The following PSMF1 variants were observed in gnomAD, a reference collection of about 807,000 sequenced individuals.
The protein encoded by PSMF1 is proteasome inhibitor subunit 1, also known as proteasome inhibitor PI31 subunit.
A neutral mutation model predicts 29.3 loss-of-function variants in PSMF1; 30 were observed. That is an observed-to-expected ratio of 1.02 (90% CI 0.77 to 1.39). PSMF1 has a LOEUF of 1.39. Ranked by LOEUF, PSMF1 falls within the 40% of genes most tolerant of loss-of-function variation. The probability of loss-of-function intolerance (pLI) is 0.00; values close to 1 mark genes in which losing one functional copy is unlikely to be tolerated. For missense variants in PSMF1, 344 were observed against 357.5 expected (o/e 0.96, Z 0.31); for synonymous variants, 134 against 139.7 (o/e 0.96, Z 0.29).
At chr20:1,160,439 A>C (rs1201178646) in intron 4 of PSMF1, 1 of 169,918 alleles carries the variant, frequency 5.9e-6, no homozygotes, top group African/African-American at 2.4e-5. Context: ...ATTTTAATTT[A>C]AATTCTTTAT....
intron 4 of PSMF1, among the ~76,000 whole-genome samples, chr20:1,160,155 G>A (rs1057080494): frequency 1.3e-5 from 2 of 151,840 alleles, no homozygotes; most frequent in African/African-American, 4.8e-5. Context: ...TTACGCTCTC[G>A]GTACGCTTCT....
chr20:1,118,036 A>AG (rs1050989347), upstream of PSMF1: 1 of 152,174 alleles, frequency 6.6e-6, no homozygotes, highest in East Asian at 1.9e-4. Context: ...AGTTGTTGAG[A>AG]GGGTGATGTA....
At chr20:1,158,473 G>A (rs2086622217) in intron 4 of PSMF1, among the ~76,000 whole-genome samples, 2 of 152,170 alleles carry the variant, frequency 1.3e-5, no homozygotes, top group African/African-American at 2.4e-5. Flanking sequence ...TGTCCAGAGC[G>A]CATCTCTGAC....
chr20:1,149,069 T>C (rs1160526960), intron 4 of PSMF1, among the ~76,000 whole-genome samples: 3 of 152,258 alleles, frequency 2.0e-5, no homozygotes, highest in Non-Finnish European at 4.4e-5. Context: ...ATCTCTTTAA[T>C]GTCTGGCTTA....
intron 1 of PSMF1, among the ~76,000 whole-genome samples, chr20:1,120,811 C>A (rs1431761074): frequency 6.6e-6 from 1 of 152,160 alleles, no homozygotes; most frequent in Non-Finnish European, 1.5e-5. Flanking sequence ...GTACCTCACT[C>A]CCCTTACCTA....
At chr20:1,114,396 C>T (rs1341795669), upstream of PSMF1, among the ~76,000 whole-genome samples, 4 of 152,238 alleles carry the variant, frequency 2.6e-5, no homozygotes, top group African/African-American at 9.6e-5. Context: ...CCTGTCTCAC[C>T]ACGGGCTTCT....
chr20:1,124,106 TG>T (rs1213669028), intron 1 of PSMF1, among the ~76,000 whole-genome samples: 1 of 152,254 alleles, frequency 6.6e-6, no homozygotes, highest in Non-Finnish European at 1.5e-5. Context: ...TCCTAGCCTG[TG>T]GCTCCTTATT....
intron 4 of PSMF1, among the ~76,000 whole-genome samples, chr20:1,142,594 G>A (rs371368551): frequency 6.6e-6 from 1 of 152,184 alleles, no homozygotes; most frequent in African/African-American, 2.4e-5. Context: ...TACAAAGGAC[G>A]TGAACTCATC....
At position 1,123,363 on chromosome 20, in the gene PSMF1, C is replaced by T. The variant is rs1032557529; in HGVS notation, c.130-2135C>T. Among the ~76,000 whole-genome samples the T allele has an allele frequency of 4.6e-5, 7 of 152,156 alleles. No individual in the cohort carries two copies. The South Asian group carries it at 1.0e-3, about 22-fold the overall frequency. The stretch of plus-strand genomic sequence containing the variant: ...TCTTCATCTCCGGTCCCACTCCCTC[C>T]CGCTGTATTCTCATGACTACAGATC... On this transcript the variant is annotated intron_variant, in intron 1 of 6. Transcript: ENST00000335877.
chr20:1,159,772 GA>G (rs903366055), intron 4 of PSMF1, among the ~76,000 whole-genome samples: 1 of 152,126 alleles, frequency 6.6e-6, no homozygotes, highest in African/African-American at 2.4e-5. Context: ...CCTAGGTCAG[GA>G]AAAATTCCTT....
chr20:1,122,870 ATTGT>A (rs1347732416), intron 1 of PSMF1, among the ~76,000 whole-genome samples: 3 of 152,132 alleles, frequency 2.0e-5, no homozygotes, highest in Admixed American at 2.0e-4. Flanking sequence ...AGCAGACCAA[ATTGT>A]TTATATTCCA....
In PSMF1 at chr20:1,129,032, C is replaced by T. The variant is rs536765884; in HGVS notation, c.365+1524C>T. ...CTGGGACTACAGGTGCCCACCACCA[C>T]GCCTGGCAATTTTTTTTTTTTGTAT... On this transcript the variant is annotated intron_variant, in intron 3 of 6. Coordinates refer to ENST00000335877, the MANE Select transcript of PSMF1 (RefSeq NM_006814.5). Among the ~76,000 whole-genome samples, 11 of 152,126 alleles carry T rather than the reference C, an allele frequency of 7.2e-5. No homozygotes were observed. The East Asian group carries it at 1.7e-3, about 24-fold the overall frequency.
Position 1,118,679 on chromosome 20 carries a change from G to A in PSMF1, c.-95G>A. 1 of 1,411,946 alleles carries A rather than the reference G, an allele frequency of 7.1e-7. No homozygotes were observed. The highest frequency in any genetic ancestry group is 9.6e-7 in the Non-Finnish European group (1 of 1,047,090). 87.5% of individuals were successfully genotyped at this position (1,411,946 alleles called of 1,614,324 possible). A position where few individuals can be genotyped will look rare whatever the true frequency, so the allele number is the denominator to read the frequency against. On this transcript the variant is annotated 5_prime_UTR_variant, in exon 1 of 7. Transcript: ENST00000335877. The stretch of plus-strand genomic sequence containing the variant: ...GGACTCGGCAAGAACCAGCGCAAGA[G>A]GGAAGCAGAGTTATAGCTACCCCGG...
chr20:1,166,756 C>T lies in PSMF1; in HGVS notation c.*1676C>T, dbSNP rs6104677. On this transcript the variant is annotated 3_prime_UTR_variant, in exon 7 of 7. Coordinates refer to ENST00000335877, the MANE Select transcript of PSMF1 (RefSeq NM_006814.5). ...GTGCAGATTCAATCATTACTCATAA[C>T]CTTTGAGAGATGGCAAATGGGAGGA... The T allele has an allele frequency of 5.4e-3, 859 of 160,070 alleles. 11 individuals are homozygous for T. Among genetic ancestry groups the T allele is most frequent in the African/African-American group, 0.019 (792 of 41,766 alleles). 9.9% of individuals were successfully genotyped at this position (160,070 alleles called of 1,614,324 possible).
chr20:1,130,970 C>T (rs1418079014), intron 3 of PSMF1, among the ~76,000 whole-genome samples: 1 of 152,218 alleles, frequency 6.6e-6, no homozygotes, highest in Non-Finnish European at 1.5e-5. Context: ...TGGGTGTCTT[C>T]TGCATGCAAT....
chr20:1,118,591 G>T, upstream of PSMF1: 1 of 677,790 alleles, frequency 1.5e-6, no homozygotes, highest in Non-Finnish European at 2.3e-6. Flanking sequence ...CCCGCTGTTG[G>T]GACTACTTCC....
At chr20:1,124,262 A>G (rs1191195679) in intron 1 of PSMF1, among the ~76,000 whole-genome samples, 1 of 152,196 alleles carries the variant, frequency 6.6e-6, no homozygotes, top group Non-Finnish European at 1.5e-5. Flanking sequence ...TTTGAGAACT[A>G]TTTCTCAAAC....
At chr20:1,129,422 A>C (rs979506678) in intron 3 of PSMF1, among the ~76,000 whole-genome samples, 1 of 152,222 alleles carries the variant, frequency 6.6e-6, no homozygotes, top group Non-Finnish European at 1.5e-5. Flanking sequence ...AACCTATTCC[A>C]GTCCTCACAG....
Position 1,171,204 on chromosome 20 carries a change from C to T in PSMF1, c.*6124C>T, listed in dbSNP as rs1368637148. ...ACAGCGTGCCTCATGCTCCTGAGTA[C>T]CTCCACCTGCAGCCACAGTGCCCAG... is the stretch of plus-strand genomic sequence containing the variant. On this transcript the variant is annotated 3_prime_UTR_variant, in exon 7 of 7. Transcript: ENST00000335877. Among the ~76,000 whole-genome samples the T allele has an allele frequency of 1.3e-5, 2 of 152,162 alleles. No individual in the cohort carries two copies. Among genetic ancestry groups the T allele is most frequent in the East Asian group, 3.9e-4 (2 of 5,192 alleles).
Sources: allele counts gnomAD v4.1 joint callset (sites outside exome capture counted in the v4.1 genomes callset), GRCh38; gene constraint gnomAD v4.1.1; transcripts MANE v1.5; gene names NCBI Gene and HGNC (gene_info 2026-07-23, HGNC 2026-07-21).